Variants in DNAH9 observed in about 807,000 individuals in gnomAD.
The protein encoded by DNAH9 is DNAH9 variant protein.
Under a neutral mutation model 471.6 loss-of-function variants are expected in DNAH9, and 345 were observed. That is an observed-to-expected ratio of 0.73 (90% confidence interval 0.67 to 0.80). The LOEUF (loss-of-function observed/expected upper bound fraction) is 0.80, where lower values mean the gene tolerates loss of function less well. Among genes scored for constraint, DNAH9 ranks in the 30% least tolerant of loss-of-function variants. The pLI is 0.00. For missense variants in DNAH9, 5,407 were observed against 5,609.2 expected, an observed-to-expected ratio of 0.96 and a Z score of 1.15; for synonymous variants, 2,093 against 2,123.6, an observed-to-expected ratio of 0.99 and a Z score of 0.40.
chr17:11,877,072 A>G (rs964578846), intron 53 of DNAH9, among the ~76,000 whole-genome samples: 6 of 152,012 alleles, frequency 3.9e-5, no homozygotes, highest in African/African-American at 1.2e-4. Flanking sequence ...TGGATGCACA[A>G]CAGTGTACTT....
intron 28 of DNAH9, among the ~76,000 whole-genome samples, chr17:11,731,928 C>CT (rs1367712160): frequency 1.1e-4 from 17 of 152,012 alleles, no homozygotes; most frequent in Non-Finnish European, 1.5e-4. Context: ...AATGGGATGG[C>CT]GGGTCAAATG....
At chr17:11,871,544 C>G (rs1214797686) in intron 51 of DNAH9, 54 bp from the exon 52 acceptor site, 4 of 1,536,628 alleles carry the variant, frequency 2.6e-6, no homozygotes, top group South Asian at 2.3e-5. Flanking sequence ...AATCACGGCT[C>G]TATCACCTAC....
Position 11,598,609 on chromosome 17 carries a change from GC to G in DNAH9, c.113del (p.Pro38ArgfsTer96). The G allele has an allele frequency of 7.4e-7, 1 of 1,347,706 alleles. No individual in the cohort carries two copies. The highest frequency in any genetic ancestry group is 3.1e-5 in the East Asian group (1 of 32,130). 83.5% of individuals were successfully genotyped at this position (1,347,706 alleles called of 1,614,324 possible). A position where few individuals can be genotyped will look rare whatever the true frequency, so the allele number is the denominator to read the frequency against. On this transcript the variant is annotated frameshift_variant, in exon 1 of 69. Transcript: ENST00000262442. LOFTEE classifies it high-confidence loss of function. The part of the protein sequence containing the change: ...LGTYVAMSLR[P>X]AAGAWERCAG... ...GGACCTACGTGGCCATGAGCCTGCG[GC>G]CGGCTGCGGGCGCCTGGGAGCGTTG...
chr17:11,896,839 C>A (rs1284078826), intron 59 of DNAH9, among the ~76,000 whole-genome samples: 1 of 152,164 alleles, frequency 6.6e-6, no homozygotes, highest in East Asian at 1.9e-4. Flanking sequence ...GTCTGTAATT[C>A]CAGCACTTTG....
At chr17:11,627,273 A>C (rs1364143357) in intron 6 of DNAH9, among the ~76,000 whole-genome samples, 3 of 152,218 alleles carry the variant, frequency 2.0e-5, no homozygotes, top group Non-Finnish European at 4.4e-5. Context: ...AATATCTAGG[A>C]TAAATTGAAG....
chr17:11,908,454 T>C (rs921970683), intron 61 of DNAH9, among the ~76,000 whole-genome samples: 3 of 152,228 alleles, frequency 2.0e-5, no homozygotes, highest in African/African-American at 7.2e-5. Context: ...CATTTGTGTC[T>C]TTCTACAGTA....
chr17:11,845,882 A>C (rs1033090739), intron 49 of DNAH9, among the ~76,000 whole-genome samples: 2 of 144,268 alleles, frequency 1.4e-5, no homozygotes, highest in African/African-American at 5.2e-5. Flanking sequence ...GTTTGAGTTC[A>C]TTGTAGATTC....
chr17:11,883,016 A>T, intron 55 of DNAH9: 1 of 985,774 alleles, frequency 1.0e-6, no homozygotes, highest in African/African-American at 1.7e-5. Context: ...CAGCTGCCTG[A>T]AGTTAGTGCT....
chr17:11,874,522 G>T lies in DNAH9; in HGVS notation c.10243-427G>T, dbSNP rs754142106. Among the ~76,000 whole-genome samples, 4 of 152,030 alleles carry T rather than the reference G, an allele frequency of 2.6e-5. No homozygotes were observed. In the South Asian group the frequency reaches 8.3e-4, roughly 32 times the overall value. On this transcript the variant is annotated intron_variant, in intron 52 of 68. Coordinates refer to ENST00000262442, the MANE Select transcript of DNAH9 (RefSeq NM_001372.4). ...GAGGAAAGAGTGGTTTGTGCCGGTT[G>T]GTACAGACAGGAGCAAACCCACTAG...
At chr17:11,713,331 C>A (rs1245549674) in intron 26 of DNAH9, among the ~76,000 whole-genome samples, 1 of 151,906 alleles carries the variant, frequency 6.6e-6, no homozygotes, top group South Asian at 2.1e-4. Flanking sequence ...GATTCTCTGT[C>A]TTTGCTTTGT....
rs140885255 is a variant in DNAH9, at chr17:11,783,642, C to G, written c.7719-4C>G. On this transcript the variant is annotated splice_region_variant and splice_polypyrimidine_tract_variant and intron_variant, in intron 39 of 68. Transcript: ENST00000262442. The stretch of plus-strand genomic sequence containing the variant: ...CTTTCACCTAGAGCTTCTGACTGTT[C>G]CAGGTATGATCGGAGCAAGCTGTCC... 8 of 1,612,844 alleles carry G rather than the reference C, an allele frequency of 5.0e-6. No individual in the cohort carries two copies. Among genetic ancestry groups the G allele is most frequent in the South Asian group, 1.1e-5 (1 of 90,940 alleles).
At chr17:11,803,831 C>T (rs1261736305) in intron 43 of DNAH9, among the ~76,000 whole-genome samples, 1 of 152,242 alleles carries the variant, frequency 6.6e-6, no homozygotes, top group African/African-American at 2.4e-5. Flanking sequence ...TCCTCCATGC[C>T]TGCCTCTCTC....
intron 29 of DNAH9, among the ~76,000 whole-genome samples, chr17:11,740,335 T>TA (rs2075413176): frequency 6.6e-6 from 1 of 152,218 alleles, no homozygotes; most frequent in Non-Finnish European, 1.5e-5. Context: ...CTGGGCGGCC[T>TA]AAACAGCAGA....
chr17:11,759,960 A>T (rs1967594888), intron 35 of DNAH9, among the ~76,000 whole-genome samples: 1 of 152,142 alleles, frequency 6.6e-6, no homozygotes, highest in Non-Finnish European at 1.5e-5. Flanking sequence ...TGCTGGGATT[A>T]CAGGCGTGAG....
chr17:11,876,342 T>C (rs990105201), intron 53 of DNAH9, among the ~76,000 whole-genome samples: 10 of 152,164 alleles, frequency 6.6e-5, no homozygotes, highest in Non-Finnish European at 1.3e-4. Context: ...ATAACGTGAT[T>C]ATTATGCATA....
At chr17:11,920,704 T>A (rs1267502004) in intron 61 of DNAH9, among the ~76,000 whole-genome samples, 1 of 151,102 alleles carries the variant, frequency 6.6e-6, no homozygotes, top group African/African-American at 2.4e-5. Context: ...CATAGTGACA[T>A]TAGAGTTTAC....
intron 38 of DNAH9, 74 bp downstream of exon 38, chr17:11,769,403 C>T: frequency 1.5e-6 from 2 of 1,361,058 alleles, no homozygotes; most frequent in Non-Finnish European, 2.0e-6. Context: ...TGAAGCCAAG[C>T]GTCAGGTGCC....
rs779223804 is a variant in DNAH9, at chr17:11,680,829, C to T, written c.3683C>T (p.Thr1228Ile). 3 of 1,613,824 alleles carry T rather than the reference C, an allele frequency of 1.9e-6. No individual in the cohort carries two copies. Among genetic ancestry groups the T allele is most frequent in the Non-Finnish European group, 2.5e-6 (3 of 1,179,916 alleles). Residue 1228 changes from threonine (T) to isoleucine (I), a missense_variant, in exon 19 of 69, where the codon ACA (threonine) becomes ATA (isoleucine). Physicochemically the swap from Thr to Ile is moderately conservative, Grantham distance 89. Around this residue, in one of 3 missense-constraint regions of DNAH9, gnomAD observed 4,636 missense variants for 4,900.3 expected, o/e 0.95. Transcript: ENST00000262442. ...GTGACACTCCTCCGCCAGAGGTGCA[C>T]AGCCTTCGATGCAGAACAGCAGCAA... The part of the protein sequence containing the change: ...NEVTLLRQRC[T>I]AFDAEQQQFW...
chr17:11,909,719 C>T (rs763402610), intron 61 of DNAH9, among the ~76,000 whole-genome samples: 1 of 152,326 alleles, frequency 6.6e-6, no homozygotes. Context: ...CCAAGACTCT[C>T]CTCGTGCTCC....
Sources: gnomAD v4.1 joint callset for allele counts (sites outside exome capture counted in the v4.1 genomes callset) on GRCh38, gnomAD v4.1.1 for gene constraint, gnomAD v4.1.1 regional missense constraint, MANE v1.5 for transcripts, NCBI Gene and HGNC (gene_info 2026-07-23, HGNC 2026-07-21) for gene names.